Variants in SUSD4 observed in about 807,000 individuals in gnomAD.
The protein encoded by SUSD4 is sushi domain-containing protein 4.
In SUSD4, 41 loss-of-function variants were observed where a neutral mutation model predicts 50.5. The ratio of observed to expected loss-of-function variants is 0.81; its 90% CI spans 0.63 to 1.05. SUSD4 has a LOEUF of 1.05. Among genes scored for constraint, SUSD4 ranks in the 50% least tolerant of loss-of-function variants. SUSD4 has a pLI of 0.00. For synonymous variants in SUSD4, 257 were observed against 257.3 expected (o/e 1.00, Z 0.01); for missense variants, 580 against 634.7 (o/e 0.91, Z 0.93).
At chr1:223,260,142 G>A (rs572628999) in intron 5 of SUSD4, among the ~76,000 whole-genome samples, 28 of 152,272 alleles carry the variant, frequency 1.8e-4, no homozygotes, top group Admixed American at 7.8e-4. Flanking sequence ...AGAAGCCCCC[G>A]TGTGCCCTTT....
chr1:223,238,848 GT>G (rs1386610388), intron 5 of SUSD4, among the ~76,000 whole-genome samples: 4 of 151,934 alleles, frequency 2.6e-5, no homozygotes, highest in East Asian at 3.9e-4. Flanking sequence ...GTCAATTATT[GT>G]TTGATGATTG....
At chr1:223,252,236 A>AAAAAATATATATAT (rs1343732568) in intron 5 of SUSD4, among the ~76,000 whole-genome samples, 8 of 89,706 alleles carry the variant, frequency 8.9e-5, no homozygotes, top group African/African-American at 2.8e-4. Context: ...AAAAAAAAAA[A>AAAAAATATATATAT]ATATATATAT....
intron 3 of SUSD4, among the ~76,000 whole-genome samples, chr1:223,275,119 A>G (rs928277947): frequency 1.3e-5 from 2 of 152,218 alleles, no homozygotes; most frequent in African/African-American, 4.8e-5. Flanking sequence ...GTTCATCTGG[A>G]GCCTCTGGGC....
intron 3 of SUSD4, among the ~76,000 whole-genome samples, chr1:223,284,476 C>T (rs1185389003): frequency 1.3e-5 from 2 of 152,198 alleles, no homozygotes; most frequent in African/African-American, 2.4e-5. Flanking sequence ...GCTTCACTTT[C>T]TCATCTGTAA....
chr1:223,313,753 A>T (rs1207095977), intron 2 of SUSD4, among the ~76,000 whole-genome samples: 3 of 152,180 alleles, frequency 2.0e-5, no homozygotes, highest in Admixed American at 1.3e-4. Flanking sequence ...CAAAACCAAG[A>T]TGGCTATGAA....
At chr1:223,250,856 G>A (rs1661256255) in intron 5 of SUSD4, among the ~76,000 whole-genome samples, 1 of 152,200 alleles carries the variant, frequency 6.6e-6, no homozygotes, top group Non-Finnish European at 1.5e-5. Flanking sequence ...GCAGGCCAAA[G>A]GATGCTGGCC....
rs191219093 is a variant in SUSD4, at chr1:223,227,005, G to A, written c.1061+589C>T. Among the ~76,000 whole-genome samples, 106 of 152,268 alleles carry A rather than the reference G, an allele frequency of 7.0e-4. No homozygotes were observed. The highest frequency in any genetic ancestry group is 4.6e-4 in the Non-Finnish European group (31 of 68,008). On this transcript the variant is annotated intron_variant, in intron 7 of 8. Coordinates refer to ENST00000366878, the MANE Select transcript of SUSD4 (RefSeq NM_017982.4). The surrounding 1 kb of genome is among the most constrained non-coding windows in gnomAD (Gnocchi z 4.5). ...GACTTGAGGCTGAAGATACCAACCC[G>A]AGCTGATTGGTGCAGCTCAGAAGGA...
At chr1:223,233,804 C>G (rs1311622990) in intron 5 of SUSD4, among the ~76,000 whole-genome samples, 1 of 152,218 alleles carries the variant, frequency 6.6e-6, no homozygotes, top group Non-Finnish European at 1.5e-5. Flanking sequence ...CTGTGGGTGG[C>G]ATGAACAAAG....
intron 2 of SUSD4, among the ~76,000 whole-genome samples, chr1:223,320,976 T>C (rs1029568961): frequency 6.6e-6 from 1 of 152,240 alleles, no homozygotes; most frequent in Non-Finnish European, 1.5e-5. Context: ...CTCATTCTAA[T>C]AGCCTCTCAT....
chr1:223,267,900 A>C (rs955282029), intron 4 of SUSD4, among the ~76,000 whole-genome samples: 6 of 151,402 alleles, frequency 4.0e-5, no homozygotes, highest in Non-Finnish European at 8.8e-5. Flanking sequence ...TTTCACAAAC[A>C]GGGCCCTCTA....
intron 3 of SUSD4, among the ~76,000 whole-genome samples, chr1:223,279,401 T>C (rs1210669015): frequency 1.3e-5 from 2 of 152,178 alleles, no homozygotes; most frequent in Non-Finnish European, 2.9e-5. Context: ...CTGAAAACCA[T>C]GGCACAAGAA....
At chr1:223,299,669 T>C (rs1200054537) in intron 2 of SUSD4, among the ~76,000 whole-genome samples, 2 of 152,124 alleles carry the variant, frequency 1.3e-5, no homozygotes, top group East Asian at 1.9e-4. Context: ...AACATTTGAA[T>C]TGGTAGACTG....
chr1:223,301,288 A>C (rs1164681900), intron 2 of SUSD4, among the ~76,000 whole-genome samples: 1 of 152,242 alleles, frequency 6.6e-6, no homozygotes, highest in Non-Finnish European at 1.5e-5. Flanking sequence ...ACACAGTCTC[A>C]GTGTGATGGG....
At chr1:223,301,510 G>C (rs1172175457) in intron 2 of SUSD4, among the ~76,000 whole-genome samples, 1 of 152,196 alleles carries the variant, frequency 6.6e-6, no homozygotes, top group African/African-American at 2.4e-5. Context: ...AATAAAGAGA[G>C]AAGGATGTGG....
At chr1:223,254,800 T>C (rs1263863384) in intron 5 of SUSD4, among the ~76,000 whole-genome samples, 1 of 152,182 alleles carries the variant, frequency 6.6e-6, no homozygotes, top group Non-Finnish European at 1.5e-5. Context: ...AATTACTTAT[T>C]GTAAAAGAAG....
rs1558197198 is a variant in SUSD4 at position 223,268,038 on chromosome 1, TATATAC to T, written c.535+458_535+463del. Among the ~76,000 whole-genome samples, 24 of 93,380 alleles carry T rather than the reference TATATAC, an allele frequency of 2.6e-4. 1 individual carries two copies. The highest frequency in any genetic ancestry group is 5.9e-4 in the East Asian group (2 of 3,406). The allele number at this position is 93,380 out of a possible 152,430, so 61.3% of individuals were successfully genotyped here. A position where few individuals can be genotyped will look rare whatever the true frequency, so the allele number is the denominator to read the frequency against. Reference sequence around the variant, plus strand: ...TTATATATATATATATATATATATATATATACACACACACTGTTAAGAGAAAACAGC... The same window carrying T: ...TTATATATATATATATATATATATATACACACACTGTTAAGAGAAAACAGC... On this transcript the variant is annotated intron_variant, in intron 4 of 8. Transcript: ENST00000366878.
intron 5 of SUSD4, among the ~76,000 whole-genome samples, chr1:223,251,508 AT>A (rs1184104976): frequency 1.3e-5 from 2 of 152,222 alleles, no homozygotes; most frequent in African/African-American, 4.8e-5. Context: ...TCAACATGAG[AT>A]TTGGAGGAAA....
At chr1:223,284,704 T>A (rs909564701) in intron 3 of SUSD4, among the ~76,000 whole-genome samples, 4 of 152,188 alleles carry the variant, frequency 2.6e-5, no homozygotes, top group Non-Finnish European at 4.4e-5. Flanking sequence ...TTGTCATTGA[T>A]GGCAACGTGG....
intron 2 of SUSD4, among the ~76,000 whole-genome samples, chr1:223,353,645 A>G (rs1344543824): frequency 1.3e-5 from 2 of 152,178 alleles, no homozygotes; most frequent in Non-Finnish European, 2.9e-5. Flanking sequence ...ATCTTTGAAA[A>G]ACTCAGGGAC....
Sources: gnomAD v4.1 joint callset for allele counts (sites outside exome capture counted in the v4.1 genomes callset) on GRCh38, gnomAD v4.1.1 for gene constraint, Gnocchi (gnomAD v3.1) non-coding constraint, MANE v1.5 for transcripts, NCBI Gene and HGNC (gene_info 2026-07-23, HGNC 2026-07-21) for gene names.